The following NAALADL2 variants were observed in gnomAD, a reference collection of about 807,000 sequenced individuals.
NAALADL2 encodes the protein inactive N-acetylated-alpha-linked acidic dipeptidase-like protein 2.
A neutral mutation model predicts 87.2 loss-of-function variants in NAALADL2; 76 were observed. The observed-to-expected ratio is 0.87, with a 90% CI of 0.72 to 1.05. The LOEUF is 1.05. Ranked by LOEUF, NAALADL2 falls within the 50% of genes least tolerant of loss-of-function variation. The probability of loss-of-function intolerance (pLI) is 0.00; values close to 1 mark genes in which losing one functional copy is unlikely to be tolerated. For missense variants in NAALADL2, 1,089 were observed against 945.8 expected, an observed-to-expected ratio of 1.15 and a Z score of -1.99; for synonymous variants, 354 against 331.0, an observed-to-expected ratio of 1.07 and a Z score of -0.75.
chr3:175,274,746 T>G (rs4243409), intron 4 of NAALADL2, among the ~76,000 whole-genome samples: 4 of 152,094 alleles, frequency 2.6e-5, no homozygotes, highest in South Asian at 2.1e-4. Flanking sequence ...AGTGTTCAGT[T>G]AGTGAATTGA....
chr3:175,131,645 A>G (rs1727897452), intron 2 of NAALADL2, among the ~76,000 whole-genome samples: 2 of 152,122 alleles, frequency 1.3e-5, no homozygotes, highest in Non-Finnish European at 2.9e-5. Flanking sequence ...CCCGTTCTCA[A>G]TGAGCTGTTG....
chr3:174,882,316 C>CTAA (rs1216158017), intron 1 of NAALADL2, among the ~76,000 whole-genome samples: 1 of 151,402 alleles, frequency 6.6e-6, no homozygotes, highest in Non-Finnish European at 1.5e-5. Flanking sequence ...TCTTTTTTGA[C>CTAA]TAATAATATG....
chr3:175,162,376 A>G (rs1282402578), intron 2 of NAALADL2, among the ~76,000 whole-genome samples: 1 of 152,182 alleles, frequency 6.6e-6, no homozygotes, highest in Admixed American at 6.6e-5. Context: ...CAATAATGCA[A>G]ACTACAGGTT....
intron 1 of NAALADL2, among the ~76,000 whole-genome samples, chr3:174,505,273 G>T (rs2108377447): frequency 6.6e-6 from 1 of 152,196 alleles, no homozygotes; most frequent in African/African-American, 2.4e-5. Context: ...AGCATCAGTG[G>T]CAGAGTGAAA....
At chr3:174,667,924 A>C (rs969163007) in intron 2 of NAALADL2, among the ~76,000 whole-genome samples, 2 of 152,080 alleles carry the variant, frequency 1.3e-5, no homozygotes, top group Admixed American at 6.6e-5. Context: ...TTCTACTTTT[A>C]CTTTTTTGAG....
Position 175,314,563 on chromosome 3 carries a change from CTATATATATATATA to C in NAALADL2, c.940-9589_940-9576del, listed in dbSNP as rs57049565. Among the ~76,000 whole-genome samples the C allele has an allele frequency of 2.7e-3, 191 of 69,614 alleles. 6 individuals are homozygous for C. Among genetic ancestry groups the C allele is most frequent in the South Asian group, 9.8e-3 (17 of 1,726 alleles). 45.7% of individuals were successfully genotyped at this position (69,614 alleles called of 152,430 possible). ...ATTAATACTTACCTTCACATTCTAACTATATATATATATATATATATATATATATATATATAGGC... is the reference window on the plus strand; with the variant it reads ...ATTAATACTTACCTTCACATTCTAACTATATATATATATATATATATAGGC... On this transcript the variant is annotated intron_variant, in intron 4 of 13. Coordinates refer to ENST00000454872, the MANE Select transcript of NAALADL2 (RefSeq NM_207015.3).
intron 5 of NAALADL2, among the ~76,000 whole-genome samples, chr3:175,336,579 C>T (rs1761993172): frequency 6.6e-6 from 1 of 152,128 alleles, no homozygotes; most frequent in Non-Finnish European, 1.5e-5. Context: ...ATGGTGATGG[C>T]AAAGTATACA....
chr3:175,592,307 C>CTTTTTTTTTTTTTTTTTTTT (rs758914649), intron 10 of NAALADL2, among the ~76,000 whole-genome samples: 2 of 43,250 alleles, frequency 4.6e-5, no homozygotes, highest in Non-Finnish European at 7.2e-5. Flanking sequence ...TTTTTCTTTT[C>CTTTTTTTTTTTTTTTTTTTT]TTTTTTTTTT....
chr3:174,813,757 T>C (rs777023147), intron 3 of NAALADL2, among the ~76,000 whole-genome samples: 32 of 152,290 alleles, frequency 2.1e-4, no homozygotes, highest in Non-Finnish European at 3.5e-4. Context: ...CTTGAACTCC[T>C]GGGCTCAAGC....
At chr3:175,300,997 C>T (rs1203625403) in intron 4 of NAALADL2, among the ~76,000 whole-genome samples, 1 of 151,852 alleles carries the variant, frequency 6.6e-6, no homozygotes, top group African/African-American at 2.4e-5. Context: ...TCAGGTGATC[C>T]GCCTGCCTCA....
intron 2 of NAALADL2, among the ~76,000 whole-genome samples, chr3:174,709,299 G>A (rs577535756): frequency 2.0e-5 from 3 of 152,084 alleles, no homozygotes; most frequent in South Asian, 2.1e-4. Context: ...AGTAAGAAAC[G>A]GTACTTTGTG....
chr3:174,661,334 AAAG>A (rs1480536347), intron 2 of NAALADL2, among the ~76,000 whole-genome samples: 4 of 152,272 alleles, frequency 2.6e-5, no homozygotes, highest in East Asian at 1.9e-4. Flanking sequence ...AATGAATATT[AAAG>A]AAGAACTGTT....
intron 3 of NAALADL2, among the ~76,000 whole-genome samples, chr3:174,793,586 C>T (rs552880333): frequency 6.6e-6 from 1 of 152,248 alleles, no homozygotes; most frequent in East Asian, 1.9e-4. Flanking sequence ...TCTGAATGAA[C>T]CTACTCCCAA....
intron 11 of NAALADL2, among the ~76,000 whole-genome samples, chr3:175,667,909 C>T (rs1249182345): frequency 6.6e-6 from 1 of 152,002 alleles, no homozygotes; most frequent in Admixed American, 6.6e-5. Flanking sequence ...AAAGATGTTT[C>T]GTACTAAAAC....
At chr3:175,070,054 C>T (rs929695095) in intron 1 of NAALADL2, among the ~76,000 whole-genome samples, 12 of 149,406 alleles carry the variant, frequency 8.0e-5, no homozygotes, top group African/African-American at 2.5e-4. Flanking sequence ...GGAGATATAC[C>T]TAATGCTAAA....
intron 5 of NAALADL2, among the ~76,000 whole-genome samples, chr3:175,390,515 A>G (rs1581694939): frequency 1.3e-5 from 2 of 152,170 alleles, no homozygotes; most frequent in East Asian, 3.9e-4. Flanking sequence ...AAGCTTATAT[A>G]CCATCTTTAG....
intron 12 of NAALADL2, among the ~76,000 whole-genome samples, chr3:175,751,554 T>C (rs1398093755): frequency 6.6e-6 from 1 of 152,120 alleles, no homozygotes; most frequent in Non-Finnish European, 1.5e-5. Flanking sequence ...GATTATTTTC[T>C]CCAAGGAAGC....
At chr3:174,541,075 T>C (rs1722180256) in intron 1 of NAALADL2, among the ~76,000 whole-genome samples, 1 of 152,292 alleles carries the variant, frequency 6.6e-6, no homozygotes, top group South Asian at 2.1e-4. Context: ...TTTCTCACAT[T>C]ATTTCCTCTT....
intron 9 of NAALADL2, among the ~76,000 whole-genome samples, chr3:175,555,185 A>C (rs1210597462): frequency 1.3e-5 from 2 of 152,166 alleles, no homozygotes; most frequent in African/African-American, 2.4e-5. Context: ...AGGGAATGAT[A>C]CAGTACTGTT....
Sources: gnomAD v4.1 joint callset for allele counts (sites outside exome capture counted in the v4.1 genomes callset) on GRCh38, gnomAD v4.1.1 for gene constraint, MANE v1.5 for transcripts, NCBI Gene and HGNC (gene_info 2026-07-23, HGNC 2026-07-21) for gene names.